Variants in CASP8 observed in about 807,000 individuals in gnomAD.
CASP8 encodes the protein caspase-8.
In CASP8, 24 loss-of-function variants were observed where a neutral mutation model predicts 46.3. That is an observed-to-expected ratio of 0.52 (90% CI 0.38 to 0.73). The LOEUF is 0.73. Ranked by LOEUF, CASP8 falls within the 30% of genes least tolerant of loss-of-function variation. CASP8 has a pLI of 0.00. For missense variants in CASP8, 460 were observed against 559.0 expected (o/e 0.82, Z 1.79); for synonymous variants, 188 against 200.4 (o/e 0.94, Z 0.52).
intron 2 of CASP8, among the ~76,000 whole-genome samples, chr2:201,247,855 A>G (rs751258964): frequency 7.2e-5 from 11 of 152,190 alleles, no homozygotes; most frequent in African/African-American, 2.2e-4. Context: ...TGTTTTAGCC[A>G]GGATAGTCTC....
chr2:201,245,720 C>T (rs1298725235), intron 2 of CASP8, among the ~76,000 whole-genome samples: 1 of 152,256 alleles, frequency 6.6e-6, no homozygotes, highest in South Asian at 2.1e-4. Context: ...GTTGACCCTG[C>T]TGCTGCAGGC....
At chr2:201,239,410 T>C (rs998125607) in intron 2 of CASP8, among the ~76,000 whole-genome samples, 27 of 152,106 alleles carry the variant, frequency 1.8e-4, no homozygotes, top group African/African-American at 6.5e-4. Context: ...ACCCCCCACC[T>C]CCCTCCCGGA....
intron 2 of CASP8, among the ~76,000 whole-genome samples, chr2:201,239,592 T>C (rs1384298425): frequency 3.9e-5 from 6 of 152,252 alleles, no homozygotes; most frequent in African/African-American, 1.4e-4. Context: ...CTTTTCTAAT[T>C]TGTTTTCTCC....
At chr2:201,242,625 C>A (rs957767800) in intron 2 of CASP8, 3 of 152,068 alleles carry the variant, frequency 2.0e-5, no homozygotes, top group African/African-American at 7.2e-5. Context: ...CTACCTAAAG[C>A]AATCTACAAA....
intron 7 of CASP8, chr2:201,278,268 C>T (rs77028341): frequency 0.041 from 6,240 of 152,316 alleles, 192 homozygotes; most frequent in Admixed American, 0.072. Context: ...TTTTTCTGTT[C>T]CTGTTCTTAT....
chr2:201,253,749 G>T (rs924289947), intron 2 of CASP8, among the ~76,000 whole-genome samples: 1 of 152,108 alleles, frequency 6.6e-6, no homozygotes, highest in East Asian at 1.9e-4. Flanking sequence ...AGTGCCTCAA[G>T]AATATTGGGG....
chr2:201,271,602 G>A lies in CASP8; in HGVS notation c.392G>A (p.Cys131Tyr), dbSNP rs749950811. Residue 131 changes from cysteine to tyrosine, a missense_variant, in exon 3 of 9, where the codon TGC (cysteine) becomes TAC (tyrosine). Cys to Tyr is a radical substitution (Grantham distance 194). Coordinates refer to ENST00000673742, the MANE Select transcript of CASP8 (RefSeq NM_001372051.1). The stretch of plus-strand genomic sequence containing the variant: ...CTTTTGCAAGAGGAAATCTCCAAAT[G>A]CAAACTGGATGATGACATGGTAAGA... Reference protein sequence around the residue: ...KFLLQEEISKCKLDDDMNLLD... With the variant: ...KFLLQEEISKYKLDDDMNLLD... 1 of 1,593,748 alleles carries A rather than the reference G, an allele frequency of 6.3e-7. No individual in the cohort carries two copies. Among genetic ancestry groups the A allele is most frequent in the Non-Finnish European group, 8.6e-7 (1 of 1,161,446 alleles).
intron 2 of CASP8, among the ~76,000 whole-genome samples, chr2:201,268,909 T>TGTGTG (rs1363930678): frequency 9.1e-5 from 12 of 131,534 alleles, no homozygotes; most frequent in Non-Finnish European, 1.3e-4. Flanking sequence ...GGCCTCATCT[T>TGTGTG]TGTGTGTGTG....
At chr2:201,256,305 G>C (rs1246288678), upstream of CASP8, among the ~76,000 whole-genome samples, 1 of 152,216 alleles carries the variant, frequency 6.6e-6, no homozygotes, top group African/African-American at 2.4e-5. Context: ...CACTGACTGA[G>C]CGTGGCCAAG....
Position 201,266,875 on chromosome 2 carries a change from A to T in CASP8, c.305+84A>T. 1 of 991,840 alleles carries T rather than the reference A, an allele frequency of 1.0e-6. No homozygotes were observed. The highest frequency in any genetic ancestry group is 1.5e-6 in the Non-Finnish European group (1 of 673,156). 61.4% of individuals were successfully genotyped at this position (991,840 alleles called of 1,614,324 possible). A position where few individuals can be genotyped will look rare whatever the true frequency, so the allele number is the denominator to read the frequency against. On this transcript the variant is annotated intron_variant, in intron 2 of 8. Coordinates refer to ENST00000673742, the MANE Select transcript of CASP8 (RefSeq NM_001372051.1). This position sits in a 1 kb window ranked among gnomAD's most constrained non-coding sequence, Gnocchi z 5.7. ...GCTGATTGGGGCTTTTTTTTGTGGT[A>T]CCCTGCCTAGTGCCTGGGAACCCAG...
intron 6 of CASP8, 77 bp from the exon 7 acceptor site, chr2:201,276,750 T>C (rs879547639): frequency 1.3e-5 from 21 of 1,600,114 alleles, no homozygotes; most frequent in African/African-American, 1.1e-4. Flanking sequence ...CAAGTCCTCT[T>C]ACTAGGGAGT....
Position 201,272,587 on chromosome 2 carries a change from A to G in CASP8, c.412-51A>G, listed in dbSNP as rs778805015. 1.7e-5 allele frequency: 27 copies of G among 1,606,474 alleles called. No individual in the cohort carries two copies. In the Middle Eastern group the frequency reaches 6.8e-4, roughly 40 times the overall value. ...AATTAAAAAAAAAAATCTAATCTAA[A>G]AACCAGTAGGGCTCAATCCAGATTC... On this transcript the variant is annotated intron_variant, in intron 3 of 8. Coordinates refer to ENST00000673742, the MANE Select transcript of CASP8 (RefSeq NM_001372051.1). The surrounding 1 kb of genome is among the most constrained non-coding windows in gnomAD (Gnocchi z 4.4).
intron 2 of CASP8, chr2:201,269,744 A>G (rs1002712227): frequency 3.1e-6 from 2 of 651,504 alleles, no homozygotes; most frequent in African/African-American, 3.6e-5. Context: ...TTACCATTAT[A>G]AGAAAACACT....
In CASP8 at chr2:201,271,512, A is replaced by C. The variant is rs772243602; in HGVS notation, c.306-4A>C. Reference sequence around the variant, plus strand: ...TTCTAAAGTGTCTCCATTTCCCACCACAGGGTCATGCTCTATCAGATTTCA... The same window carrying C: ...TTCTAAAGTGTCTCCATTTCCCACCCCAGGGTCATGCTCTATCAGATTTCA... On this transcript the variant is annotated splice_region_variant and splice_polypyrimidine_tract_variant and intron_variant, in intron 2 of 8. Transcript: ENST00000673742. 2 of 1,557,020 alleles carry C rather than the reference A, an allele frequency of 1.3e-6. No individual in the cohort carries two copies. Among genetic ancestry groups the C allele is most frequent in the Non-Finnish European group, 1.8e-6 (2 of 1,127,990 alleles).
At chr2:201,235,778 C>T (rs530537429) in intron 2 of CASP8, among the ~76,000 whole-genome samples, 3 of 152,236 alleles carry the variant, frequency 2.0e-5, no homozygotes, top group African/African-American at 4.8e-5. Flanking sequence ...AGTCAATGAC[C>T]GACCACATAT....
chr2:201,281,683 GT>G (rs1361802832), intron 7 of CASP8: 1 of 397,190 alleles, frequency 2.5e-6, no homozygotes, highest in African/African-American at 2.1e-5. Context: ...TTCAAAAATT[GT>G]TTTGTTTTTT....
At chr2:201,280,073 A>G (rs1299597492) in intron 7 of CASP8, among the ~76,000 whole-genome samples, 1 of 152,236 alleles carries the variant, frequency 6.6e-6, no homozygotes, top group Non-Finnish European at 1.5e-5. Flanking sequence ...TTAATGCTTA[A>G]TATTGGTATT....
intron 8 of CASP8, 55 bp from the exon 9 acceptor site, chr2:201,286,404 G>C: frequency 6.3e-7 from 1 of 1,590,096 alleles, no homozygotes. Context: ...AGAGGAGACA[G>C]TTCATCAGTT....
At position 201,272,838 on chromosome 2, in the gene CASP8, C is replaced by T. The variant is rs751827308; in HGVS notation, c.551-60C>T. 5.0e-6 allele frequency: 8 copies of T among 1,613,214 alleles called. No homozygotes were observed. The highest frequency in any genetic ancestry group is 4.5e-5 in the East Asian group (2 of 44,874). On this transcript the variant is annotated intron_variant, in intron 4 of 8. Coordinates refer to ENST00000673742, the MANE Select transcript of CASP8 (RefSeq NM_001372051.1). The surrounding 1 kb of genome is among the most constrained non-coding windows in gnomAD (Gnocchi z 4.4). The stretch of plus-strand genomic sequence containing the variant: ...TACTCTAAAATTGAAACTGACAAAT[C>T]GCTCCATATCACAGTTGTTTCTAAT...
Sources: gnomAD v4.1 joint callset for allele counts (sites outside exome capture counted in the v4.1 genomes callset) on GRCh38, gnomAD v4.1.1 for gene constraint, Gnocchi (gnomAD v3.1) non-coding constraint, MANE v1.5 for transcripts, NCBI Gene and HGNC (gene_info 2026-07-23, HGNC 2026-07-21) for gene names.